SCARA3: variants seen among roughly 807,000 people sequenced by gnomAD.
SCARA3 encodes the protein scavenger receptor class A member 3.
SCARA3 carries 39 observed loss-of-function variants against 47.0 expected under a neutral mutation model. The ratio of observed to expected loss-of-function variants is 0.83; its 90% CI spans 0.64 to 1.08. SCARA3 has a LOEUF of 1.08. Among genes scored for constraint, SCARA3 ranks in the 50% least tolerant of loss-of-function variants. SCARA3 has a pLI of 0.00. For synonymous variants in SCARA3, 356 were observed against 334.1 expected, an observed-to-expected ratio of 1.07 and a Z score of -0.71; for missense variants, 724 against 792.3, an observed-to-expected ratio of 0.91 and a Z score of 1.04.
the SCARA3 span, among the ~76,000 whole-genome samples, chr8:27,713,439 C>T: frequency 1.3e-5 from 2 of 152,188 alleles, no homozygotes; most frequent in African/African-American, 4.8e-5. Context: ...AATCAATAAG[C>T]GTTTCACGGA....
downstream of SCARA3, among the ~76,000 whole-genome samples, chr8:27,677,077 AT>A (rs1195636211): frequency 3.9e-5 from 6 of 152,178 alleles, no homozygotes; most frequent in Admixed American, 3.9e-4. Flanking sequence ...ATGTAGACAC[AT>A]TTAAAACCTT....
the SCARA3 span, among the ~76,000 whole-genome samples, chr8:27,712,653 T>G: frequency 6.6e-6 from 1 of 151,962 alleles, no homozygotes; most frequent in Admixed American, 6.6e-5. Flanking sequence ...TCTGTCCGGA[T>G]GTACCACAGT....
At chr8:27,715,546 C>G in the SCARA3 span, among the ~76,000 whole-genome samples, 2 of 149,228 alleles carry the variant, frequency 1.3e-5, no homozygotes, top group Non-Finnish European at 3.0e-5. This position sits in a 1 kb window ranked among gnomAD's most constrained non-coding sequence, Gnocchi z 4.2. Context: ...GCTCTGACAC[C>G]CATGCTGGGA....
At chr8:27,708,491 C>T in the SCARA3 span, among the ~76,000 whole-genome samples, 3 of 152,166 alleles carry the variant, frequency 2.0e-5, no homozygotes, top group African/African-American at 7.2e-5. Flanking sequence ...GCTACACAAT[C>T]TCGTAACTCT....
At chr8:27,664,269 T>G (rs907211085) in intron 5 of SCARA3, among the ~76,000 whole-genome samples, 38 of 152,180 alleles carry the variant, frequency 2.5e-4, no homozygotes, top group African/African-American at 8.9e-4. Context: ...AAGTGTGTGG[T>G]TTCATTGAGT....
chr8:27,665,460 C>T (rs1801997144), intron 5 of SCARA3, among the ~76,000 whole-genome samples: 1 of 152,214 alleles, frequency 6.6e-6, no homozygotes, highest in Non-Finnish European at 1.5e-5. Flanking sequence ...CATGCTAGGA[C>T]TATCATTTGG....
At chr8:27,633,620 C>T (rs1013958701), upstream of SCARA3, among the ~76,000 whole-genome samples, 10 of 152,300 alleles carry the variant, frequency 6.6e-5, no homozygotes, top group African/African-American at 2.4e-4. Context: ...ATTGCGGCCG[C>T]AGCGCGGGCA....
the SCARA3 span, among the ~76,000 whole-genome samples, chr8:27,719,481 A>G: frequency 1.3e-5 from 2 of 151,940 alleles, no homozygotes; most frequent in African/African-American, 2.4e-5. Context: ...AACTTCTATG[A>G]CAAGTTTACC....
chr8:27,715,639 A>C, the SCARA3 span, among the ~76,000 whole-genome samples: 1 of 152,166 alleles, frequency 6.6e-6, no homozygotes. The surrounding 1 kb of genome is among the most constrained non-coding windows in gnomAD (Gnocchi z 4.2). Flanking sequence ...AGATAGACAC[A>C]CACAGACAGA....
chr8:27,674,854 G>A (rs578196550), downstream of SCARA3, among the ~76,000 whole-genome samples: 22 of 149,208 alleles, frequency 1.5e-4, no homozygotes, highest in Admixed American at 2.7e-4. Context: ...TCAGCCTCCC[G>A]AGTAGCTGGG....
At chr8:27,702,823 T>G in the SCARA3 span, 2 of 152,310 alleles carry the variant, frequency 1.3e-5, no homozygotes, top group Non-Finnish European at 2.9e-5. Context: ...AGACCTCTTT[T>G]TGGGGAGGAA....
chr8:27,717,153 T>C, the SCARA3 span, among the ~76,000 whole-genome samples: 1 of 152,160 alleles, frequency 6.6e-6, no homozygotes, highest in Non-Finnish European at 1.5e-5. Context: ...CCTGACTGGG[T>C]ACTTTGCTAT....
chr8:27,653,118 G>T (rs1309401705), intron 3 of SCARA3, among the ~76,000 whole-genome samples: 2 of 152,326 alleles, frequency 1.3e-5, no homozygotes, highest in Non-Finnish European at 1.5e-5. Context: ...CAAGATTTCT[G>T]GTCACCCCTT....
rs138077921 is a variant in SCARA3, at chr8:27,659,328, G to T, written c.1158G>T (p.Thr386=). The T allele has an allele frequency of 2.9e-5, 47 of 1,613,888 alleles. No homozygotes were observed. The highest frequency in any genetic ancestry group is 3.7e-5 in the Non-Finnish European group (44 of 1,180,016). ...TGGATGACGTGCGGCTCTCCTGCAC[G>T]CTGGGCTTCCACACCCATGCCGAGG... is the stretch of plus-strand genomic sequence containing the variant. ...KYLDDVRLSC[T]LGFHTHAEEL... The change falls in exon 5 of 6, where the codon ACG becomes ACT. Residue 386 remains threonine (T), a synonymous_variant. Transcript: ENST00000301904.
At chr8:27,727,172 A>T in the SCARA3 span, among the ~76,000 whole-genome samples, 1 of 152,074 alleles carries the variant, frequency 6.6e-6, no homozygotes, top group South Asian at 2.1e-4. Context: ...TGAGCCTCCC[A>T]AGTAGCTGGG....
chr8:27,671,551 CACATGCACACACAT>C lies in SCARA3; in HGVS notation c.*201_*214del, dbSNP rs1354989073. The C allele has an allele frequency of 7.0e-6, 9 of 1,282,176 alleles. No homozygotes were observed. The African/African-American group carries it at 1.4e-4, about 20-fold the overall frequency. 79.4% of individuals were successfully genotyped at this position (1,282,176 alleles called of 1,614,324 possible). ...CAGCCCCTCCTCACACATACATGTG[CACATGCACACACAT>C]GCATGCACACACATGCACACATACA... On this transcript the variant is annotated 3_prime_UTR_variant, in exon 6 of 6. Transcript: ENST00000301904.
chr8:27,656,584 G>A (rs1156337561), intron 3 of SCARA3, among the ~76,000 whole-genome samples, 198 bp from the exon 4 acceptor site: 1 of 152,018 alleles, frequency 6.6e-6, no homozygotes, highest in African/African-American at 2.4e-5. Context: ...TGTGGGGTGA[G>A]TTATTCTGTT....
intron 5 of SCARA3, among the ~76,000 whole-genome samples, chr8:27,668,121 G>C (rs34087538): frequency 1.7e-3 from 253 of 152,364 alleles, no homozygotes; most frequent in African/African-American, 5.9e-3. Flanking sequence ...CCAGGAGCAT[G>C]TGGGCGCTTG....
the SCARA3 span, among the ~76,000 whole-genome samples, chr8:27,708,642 G>GA: frequency 6.6e-6 from 1 of 152,044 alleles, no homozygotes; most frequent in East Asian, 1.9e-4. Context: ...TTAGCGGACA[G>GA]TTTCAGAATG....
Sources: allele counts gnomAD v4.1 joint callset (sites outside exome capture counted in the v4.1 genomes callset), GRCh38; gene constraint gnomAD v4.1.1; non-coding constraint Gnocchi (gnomAD v3.1); transcripts MANE v1.5; gene names NCBI Gene and HGNC (gene_info 2026-07-23, HGNC 2026-07-21).